Variants in VAV3 observed in about 807,000 individuals in gnomAD.
VAV3 encodes the protein vav guanine nucleotide exchange factor 3.
VAV3 carries 94 observed loss-of-function variants against 131.2 expected under a neutral mutation model. The ratio of observed to expected loss-of-function variants is 0.72; its 90% CI spans 0.61 to 0.85. The LOEUF is 0.85. Ranked by LOEUF, VAV3 falls within the 40% of genes least tolerant of loss-of-function variation. VAV3 has a pLI of 0.00. For synonymous variants in VAV3, 349 were observed against 342.0 expected (o/e 1.02, Z -0.22); for missense variants, 939 against 1,002.7 (o/e 0.94, Z 0.86).
intron 2 of VAV3, among the ~76,000 whole-genome samples, chr1:107,798,233 C>T (rs762984050): frequency 8.5e-5 from 13 of 152,096 alleles, no homozygotes; most frequent in South Asian, 8.3e-4. Flanking sequence ...ATTTCAACAT[C>T]CAAAAGCTAG....
intron 2 of VAV3, among the ~76,000 whole-genome samples, chr1:107,812,505 T>C (rs1667359376): frequency 6.6e-6 from 1 of 151,788 alleles, no homozygotes; most frequent in Admixed American, 6.6e-5. Context: ...CAATACTAGA[T>C]GGAAACAGCT....
chr1:107,876,184 C>T (rs150975526), intron 1 of VAV3, among the ~76,000 whole-genome samples: 85 of 152,222 alleles, frequency 5.6e-4, no homozygotes, highest in African/African-American at 1.9e-3. Flanking sequence ...AAAACTATAT[C>T]AGATGCTGCA....
chr1:107,645,571 C>G (rs1655677424), intron 19 of VAV3, among the ~76,000 whole-genome samples: 1 of 151,996 alleles, frequency 6.6e-6, no homozygotes, highest in Non-Finnish European at 1.5e-5. Context: ...TAATATCTTT[C>G]CACTTATGAA....
chr1:107,612,301 C>T (rs1034646175), intron 21 of VAV3, among the ~76,000 whole-genome samples: 10 of 151,878 alleles, frequency 6.6e-5, no homozygotes, highest in African/African-American at 2.2e-4. Flanking sequence ...TTTGAATAAA[C>T]TATCACGATT....
At position 107,702,322 on chromosome 1, in the gene VAV3, C is replaced by A. The variant is rs554894901; in HGVS notation, c.1705+2228G>T. On this transcript the variant is annotated intron_variant, in intron 17 of 26. Transcript: ENST00000370056. ...GTGGAGGAAATCCCATGATCCAATC[C>A]CCTCCTGCCTGGCCCCTCCCTTGAC... 2.0e-5 allele frequency among the ~76,000 whole-genome samples: 3 copies of A among 152,222 alleles called. No homozygotes were observed. In the South Asian group the frequency reaches 6.2e-4, roughly 32 times the overall value.
At chr1:107,659,572 C>T (rs1047410883) in intron 19 of VAV3, among the ~76,000 whole-genome samples, 16 of 152,186 alleles carry the variant, frequency 1.1e-4, no homozygotes, top group Admixed American at 1.3e-4. Context: ...TTTTATTTAA[C>T]TATATATGTA....
intron 19 of VAV3, among the ~76,000 whole-genome samples, chr1:107,652,879 C>T (rs1206759880): frequency 6.6e-6 from 1 of 152,036 alleles, no homozygotes; most frequent in Admixed American, 6.6e-5. Context: ...TAATATATTC[C>T]TTAAAGGTTC....
chr1:107,679,475 G>A (rs914744886), intron 19 of VAV3, among the ~76,000 whole-genome samples: 14 of 152,238 alleles, frequency 9.2e-5, no homozygotes, highest in African/African-American at 2.6e-4. Flanking sequence ...CAGAATGGTC[G>A]CCTGAAGTGT....
rs534744188 is a variant in VAV3, at chr1:107,734,500, A to C, written c.1502+14468T>G. ...AGAGACACACACAGGCTCAAAATAA[A>C]GGGATGGAGGAAGATCTACCAACCA... is the stretch of plus-strand genomic sequence containing the variant. On this transcript the variant is annotated intron_variant, in intron 15 of 26. Coordinates refer to ENST00000370056, the MANE Select transcript of VAV3 (RefSeq NM_006113.5). 2.6e-5 allele frequency among the ~76,000 whole-genome samples: 4 copies of C among 152,352 alleles called. No individual in the cohort carries two copies. The South Asian group carries it at 8.3e-4, about 32-fold the overall frequency.
chr1:107,835,887 G>C (rs140843676), intron 2 of VAV3, among the ~76,000 whole-genome samples: 39 of 152,314 alleles, frequency 2.6e-4, no homozygotes, highest in African/African-American at 8.4e-4. Flanking sequence ...CCGGAATTCT[G>C]CAGGTTTCTG....
intron 1 of VAV3, among the ~76,000 whole-genome samples, chr1:107,934,912 G>C (rs964820991): frequency 6.6e-6 from 1 of 152,210 alleles, no homozygotes; most frequent in Non-Finnish European, 1.5e-5. Flanking sequence ...ATTCTTGCAC[G>C]ACCAGGCTAT....
intron 17 of VAV3, among the ~76,000 whole-genome samples, chr1:107,689,225 A>C (rs2101772446): frequency 6.6e-6 from 1 of 152,272 alleles, no homozygotes; most frequent in East Asian, 1.9e-4. Flanking sequence ...GACAGACAGG[A>C]AATCCCTCAT....
At chr1:107,753,536 A>ATATATATATATATATATATG (rs1663902425) in intron 12 of VAV3, among the ~76,000 whole-genome samples, 1 of 94,928 alleles carries the variant, frequency 1.1e-5, no homozygotes, top group Non-Finnish European at 2.3e-5. Context: ...ACGTATATAT[A>ATATATATATATATATATATG]TATATATATA....
intron 15 of VAV3, among the ~76,000 whole-genome samples, chr1:107,711,598 T>C (rs776123203): frequency 2.0e-5 from 3 of 152,218 alleles, no homozygotes; most frequent in Non-Finnish European, 2.9e-5. Context: ...TGTTAACTAG[T>C]TTCTGCATGA....
intron 21 of VAV3, among the ~76,000 whole-genome samples, chr1:107,611,782 C>T (rs899153451): frequency 1.6e-4 from 25 of 152,250 alleles, no homozygotes; most frequent in Middle Eastern, 3.4e-3. Context: ...TGGTGTCCCA[C>T]TAGAGCTTTT....
chr1:107,958,647 C>CT (rs1674930637), intron 1 of VAV3, among the ~76,000 whole-genome samples: 2 of 152,036 alleles, frequency 1.3e-5, no homozygotes, highest in Admixed American at 1.3e-4. Context: ...TATCATTATA[C>CT]TTTAAGTTCT....
At chr1:107,888,065 C>G (rs554818289) in intron 1 of VAV3, among the ~76,000 whole-genome samples, 7 of 151,168 alleles carry the variant, frequency 4.6e-5, no homozygotes, top group African/African-American at 1.5e-4. Flanking sequence ...TGTGTTAATT[C>G]TTCTACATAA....
chr1:107,783,485 T>G (rs1472752330), intron 2 of VAV3, among the ~76,000 whole-genome samples: 2 of 152,116 alleles, frequency 1.3e-5, no homozygotes, highest in Non-Finnish European at 2.9e-5. Context: ...CAGGATGACC[T>G]GGGCTAGCTG....
At chr1:107,900,247 A>G (rs1557911391) in intron 1 of VAV3, among the ~76,000 whole-genome samples, 1 of 152,306 alleles carries the variant, frequency 6.6e-6, no homozygotes, top group East Asian at 1.9e-4. Flanking sequence ...AGAAGTGAAA[A>G]CGTGGTACAG....
Sources: gnomAD v4.1 joint callset for allele counts (sites outside exome capture counted in the v4.1 genomes callset) on GRCh38, gnomAD v4.1.1 for gene constraint, MANE v1.5 for transcripts, NCBI Gene and HGNC (gene_info 2026-07-23, HGNC 2026-07-21) for gene names.